The following PIK3CB variants were observed in gnomAD, a reference collection of about 807,000 sequenced individuals.
The protein encoded by PIK3CB is phosphatidylinositol 4,5-bisphosphate 3-kinase catalytic subunit beta isoform.
Under a neutral mutation model 136.8 loss-of-function variants are expected in PIK3CB, and 39 were observed. That is an observed-to-expected ratio of 0.29 (90% CI 0.22 to 0.37). PIK3CB has a LOEUF of 0.37. PIK3CB is among the 10% of genes least tolerant of loss of function. PIK3CB has a pLI of 1.00. For synonymous variants in PIK3CB, 428 were observed against 436.6 expected (o/e 0.98, Z 0.25); for missense variants, 868 against 1,275.4 (o/e 0.68, Z 4.87).
rs979860742 is a variant in PIK3CB at position 138,654,920 on chromosome 3, G to C, written c.*469C>G. On this transcript the variant is annotated 3_prime_UTR_variant, in exon 24 of 24. Transcript: ENST00000674063. ...AATTCAAATTATATTATAATTTGCA[G>C]TTTACACAATTTTAAAAGGGAAGAA... 64 of 214,310 alleles carry C rather than the reference G, an allele frequency of 3.0e-4. No homozygotes were observed. The highest frequency in any genetic ancestry group is 1.3e-3 in the African/African-American group (59 of 44,272). 13.3% of individuals were successfully genotyped at this position (214,310 alleles called of 1,614,324 possible). A position where few individuals can be genotyped will look rare whatever the true frequency, so the allele number is the denominator to read the frequency against.
intron 1 of PIK3CB, among the ~76,000 whole-genome samples, chr3:138,805,206 G>A (rs1240707751): frequency 4.0e-5 from 6 of 151,076 alleles, no homozygotes; most frequent in Non-Finnish European, 7.4e-5. Context: ...GGTGGCGCAT[G>A]CCCGTAATCT....
chr3:138,693,970 A>ATATATAT (rs2044078233), intron 14 of PIK3CB, among the ~76,000 whole-genome samples: 1 of 85,432 alleles, frequency 1.2e-5, no homozygotes, highest in Non-Finnish European at 2.2e-5. Context: ...TATATATTAT[A>ATATATAT]TATATATATA....
chr3:138,706,951 C>T (rs1259543823), intron 11 of PIK3CB, among the ~76,000 whole-genome samples: 1 of 152,124 alleles, frequency 6.6e-6, no homozygotes, highest in Admixed American at 6.6e-5. Flanking sequence ...CCACTGCGCC[C>T]GGCCTGGAGG....
chr3:138,781,254 T>C (rs1387575503), intron 2 of PIK3CB, among the ~76,000 whole-genome samples: 4 of 150,748 alleles, frequency 2.7e-5, no homozygotes, highest in African/African-American at 4.9e-5. Flanking sequence ...ATCTTGGCAC[T>C]GCACTCTAGC....
At chr3:138,740,732 A>T (rs1366618615) in intron 5 of PIK3CB, among the ~76,000 whole-genome samples, 1 of 151,928 alleles carries the variant, frequency 6.6e-6, no homozygotes, top group Non-Finnish European at 1.5e-5. Flanking sequence ...GGCTCGCTGC[A>T]AACTCCGCCT....
intron 1 of PIK3CB, among the ~76,000 whole-genome samples, chr3:138,812,806 G>C (rs1025290177): frequency 6.6e-6 from 1 of 152,162 alleles, no homozygotes; most frequent in South Asian, 2.1e-4. Flanking sequence ...TGGGATTACA[G>C]GTGTAAGCCA....
chr3:138,661,653 C>T (rs2043297564), intron 21 of PIK3CB, among the ~76,000 whole-genome samples: 1 of 152,218 alleles, frequency 6.6e-6, no homozygotes, highest in Non-Finnish European at 1.5e-5. Context: ...ATTCCTCAAT[C>T]GTACATGGTG....
chr3:138,678,347 C>G (rs181244675), intron 19 of PIK3CB, among the ~76,000 whole-genome samples: 109 of 151,814 alleles, frequency 7.2e-4, no homozygotes, highest in African/African-American at 2.6e-3. Context: ...GCGTGGGTAA[C>G]AGTGAGACTC....
intron 1 of PIK3CB, among the ~76,000 whole-genome samples, chr3:138,829,234 T>C (rs949107278): frequency 5.3e-5 from 8 of 152,112 alleles, no homozygotes; most frequent in African/African-American, 1.9e-4. Context: ...CTGAGCAACA[T>C]AGCAAGATCC....
At chr3:138,799,851 T>C (rs1451266087) in intron 1 of PIK3CB, among the ~76,000 whole-genome samples, 2 of 151,772 alleles carry the variant, frequency 1.3e-5, no homozygotes, top group Admixed American at 1.3e-4. Context: ...CTAATTTTTG[T>C]TATTTTTTGC....
intron 10 of PIK3CB, among the ~76,000 whole-genome samples, chr3:138,711,956 A>G (rs1215578436): frequency 1.3e-5 from 2 of 151,878 alleles, no homozygotes; most frequent in Non-Finnish European, 2.9e-5. Flanking sequence ...CAAAATAAAA[A>G]AAAATAATAA....
chr3:138,711,659 C>T (rs2044503533), intron 10 of PIK3CB, among the ~76,000 whole-genome samples: 3 of 145,330 alleles, frequency 2.1e-5, no homozygotes, highest in African/African-American at 7.6e-5. Context: ...GATTTAAAGA[C>T]AAAGCTACCC....
chr3:138,766,158 T>G (rs182562555), intron 2 of PIK3CB, among the ~76,000 whole-genome samples: 1 of 152,192 alleles, frequency 6.6e-6, no homozygotes, highest in Non-Finnish European at 1.5e-5. Context: ...AGTAATGTTA[T>G]AGGTGTTTCT....
chr3:138,670,244 G>A (rs934716576), intron 19 of PIK3CB, among the ~76,000 whole-genome samples: 5 of 152,200 alleles, frequency 3.3e-5, no homozygotes, highest in African/African-American at 9.7e-5. Flanking sequence ...TTAGGCTGAT[G>A]GAACTAAGAA....
rs559081226 is a variant in PIK3CB at position 138,804,315 on chromosome 3, A to G, written c.-121-7748T>C. On this transcript the variant is annotated intron_variant, in intron 1 of 23. Transcript: ENST00000674063. ...GATGGCTTGAGCCCAGGAGTTCAAG[A>G]CCAGCCTGGGCAACAGAGCAAGAGC... Among the ~76,000 whole-genome samples, 9 of 152,108 alleles carry G rather than the reference A, an allele frequency of 5.9e-5. No individual in the cohort carries two copies. The South Asian group carries it at 1.9e-3, about 32-fold the overall frequency.
At chr3:138,728,955 A>T (rs937655389) in intron 8 of PIK3CB, among the ~76,000 whole-genome samples, 4 of 152,206 alleles carry the variant, frequency 2.6e-5, no homozygotes, top group Admixed American at 2.6e-4. Flanking sequence ...TGAAAGACTT[A>T]ATGAATGCTG....
chr3:138,744,381 C>T (rs555082899), intron 4 of PIK3CB, among the ~76,000 whole-genome samples: 1 of 73,030 alleles, frequency 1.4e-5, no homozygotes, highest in African/African-American at 4.8e-5. Context: ...GGTGACAGAG[C>T]GAGACTCCCC....
At chr3:138,702,639 T>C (rs531110107) in intron 12 of PIK3CB, among the ~76,000 whole-genome samples, 1 of 152,320 alleles carries the variant, frequency 6.6e-6, no homozygotes, top group South Asian at 2.1e-4. Context: ...ACTGTAATTA[T>C]CTGTTTCAGT....
intron 3 of PIK3CB, among the ~76,000 whole-genome samples, chr3:138,757,974 GC>G (rs1256570488): frequency 6.6e-6 from 1 of 152,108 alleles, no homozygotes; most frequent in Non-Finnish European, 1.5e-5. Flanking sequence ...GCTCAGAGTA[GC>G]ATAATATTCA....
Sources: gnomAD v4.1 joint callset for allele counts (sites outside exome capture counted in the v4.1 genomes callset) on GRCh38, gnomAD v4.1.1 for gene constraint, MANE v1.5 for transcripts, NCBI Gene and HGNC (gene_info 2026-07-23, HGNC 2026-07-21) for gene names.